The following PCDH7 variants were observed in gnomAD, a reference collection of about 807,000 sequenced individuals.
The protein encoded by PCDH7 is protocadherin 7, also known as protocadherin-7.
A neutral mutation model predicts 58.9 loss-of-function variants in PCDH7; 17 were observed. That is an observed-to-expected ratio of 0.29 (90% CI 0.20 to 0.43). The LOEUF is 0.43. Among genes scored for constraint, PCDH7 ranks in the 20% least tolerant of loss-of-function variants. The pLI is 1.00. For missense variants in PCDH7, 1,274 were observed against 1,441.0 expected (o/e 0.88, Z 1.88); for synonymous variants, 664 against 616.4 (o/e 1.08, Z -1.14).
At chr4:30,981,177 A>G (rs914103730) in intron 3 of PCDH7, among the ~76,000 whole-genome samples, 1 of 152,182 alleles carries the variant, frequency 6.6e-6, no homozygotes, top group Non-Finnish European at 1.5e-5. Flanking sequence ...GTTTAAAAGA[A>G]AAGTAGAGCT....
intron 3 of PCDH7, among the ~76,000 whole-genome samples, chr4:31,095,696 T>C (rs760536501): frequency 1.4e-4 from 22 of 152,160 alleles, no homozygotes; most frequent in Non-Finnish European, 2.4e-4. Flanking sequence ...GAGTATTTAA[T>C]TGAGATTATC....
At chr4:30,755,168 G>T (rs917673064) in intron 1 of PCDH7, among the ~76,000 whole-genome samples, 2 of 152,158 alleles carry the variant, frequency 1.3e-5, no homozygotes, top group African/African-American at 4.8e-5. Context: ...CTCATCATAT[G>T]CGTGCCATCC....
chr4:31,018,524 A>G (rs1414197428), intron 3 of PCDH7, among the ~76,000 whole-genome samples: 7 of 152,104 alleles, frequency 4.6e-5, no homozygotes, highest in Non-Finnish European at 1.0e-4. Context: ...TGGTTTGATC[A>G]TTTTCAATCC....
chr4:30,963,255 T>A (rs1333282381), intron 3 of PCDH7, among the ~76,000 whole-genome samples: 1 of 152,198 alleles, frequency 6.6e-6, no homozygotes, highest in Non-Finnish European at 1.5e-5. Context: ...AGCATATGTT[T>A]TGAGGCTTAA....
chr4:30,784,024 C>T (rs1226975896), intron 1 of PCDH7, among the ~76,000 whole-genome samples: 1 of 151,998 alleles, frequency 6.6e-6, no homozygotes, highest in Non-Finnish European at 1.5e-5. Flanking sequence ...AAGGCAAAGA[C>T]AAAGGCCATG....
At chr4:30,753,229 T>C (rs2109260612) in intron 1 of PCDH7, among the ~76,000 whole-genome samples, 1 of 152,298 alleles carries the variant, frequency 6.6e-6, no homozygotes, top group Admixed American at 6.5e-5. Flanking sequence ...GTCTTTTTAT[T>C]TCTGGTACAT....
At chr4:30,733,499 C>A (rs1261154721), downstream of PCDH7, among the ~76,000 whole-genome samples, 1 of 151,974 alleles carries the variant, frequency 6.6e-6, no homozygotes, top group Non-Finnish European at 1.5e-5. Context: ...CATTATGTTG[C>A]CCAGGTTGGA....
intron 1 of PCDH7, among the ~76,000 whole-genome samples, chr4:30,778,980 A>T (rs1175257327): frequency 1.5e-5 from 2 of 130,556 alleles, no homozygotes; most frequent in Non-Finnish European, 3.1e-5. Context: ...GTAAAGAATG[A>T]TTCCAAATGG....
intron 1 of PCDH7, among the ~76,000 whole-genome samples, chr4:30,872,886 A>G (rs1366080436): frequency 6.6e-6 from 1 of 152,124 alleles, no homozygotes; most frequent in Admixed American, 6.6e-5. Context: ...ATGAGGATTC[A>G]GTAAGTTAAT....
chr4:31,103,288 T>G (rs1715126759), intron 3 of PCDH7, among the ~76,000 whole-genome samples: 1 of 152,108 alleles, frequency 6.6e-6, no homozygotes, highest in African/African-American at 2.4e-5. Context: ...TATTTATTTA[T>G]TTACAAGGCA....
At chr4:30,914,910 C>G in intron 1 of PCDH7, among the ~76,000 whole-genome samples, 1 of 152,126 alleles carries the variant, frequency 6.6e-6, no homozygotes, top group Non-Finnish European at 1.5e-5. Context: ...TTTTCTTGTT[C>G]TGTTATTTTT....
At chr4:30,796,808 G>T (rs1433667496) in intron 1 of PCDH7, among the ~76,000 whole-genome samples, 2 of 151,892 alleles carry the variant, frequency 1.3e-5, no homozygotes, top group African/African-American at 4.8e-5. Flanking sequence ...TATAACTTTC[G>T]AAGGCTTTTA....
rs184562564 is a variant in PCDH7 at position 30,846,631 on chromosome 4, C to T, written c.71-73522C>T. Among the ~76,000 whole-genome samples the T allele has an allele frequency of 2.4e-4, 36 of 152,178 alleles. No individual in the cohort carries two copies. In the East Asian group the frequency reaches 6.2e-3, roughly 26 times the overall value. ...ATCCTTGGTGTCTACTTATTAGGTT[C>T]CAATAGTGCCACCCAAGTTGTGAGG... On this transcript the variant is annotated intron_variant, in intron 1 of 3. Transcript: ENST00000509759.
At chr4:30,773,448 C>G (rs936482057) in intron 1 of PCDH7, among the ~76,000 whole-genome samples, 4 of 152,042 alleles carry the variant, frequency 2.6e-5, no homozygotes, top group Non-Finnish European at 5.9e-5. Flanking sequence ...CATAATCATA[C>G]ATTGTGTTTT....
intron 1 of PCDH7, among the ~76,000 whole-genome samples, chr4:30,848,595 G>A (rs1057336563): frequency 1.3e-5 from 2 of 152,080 alleles, no homozygotes; most frequent in Non-Finnish European, 2.9e-5. Context: ...CTAGCTTTCA[G>A]TACAATTGAA....
At chr4:31,087,660 C>T (rs1712640070) in intron 3 of PCDH7, among the ~76,000 whole-genome samples, 2 of 152,140 alleles carry the variant, frequency 1.3e-5, no homozygotes, top group East Asian at 3.9e-4. Context: ...ACCTCCATTC[C>T]TTTAATTGCA....
chr4:30,825,632 A>G (rs779789060), intron 1 of PCDH7, among the ~76,000 whole-genome samples: 4 of 152,112 alleles, frequency 2.6e-5, no homozygotes, highest in Non-Finnish European at 4.4e-5. Flanking sequence ...TTTCCTTTCC[A>G]TAAAAGCTCA....
intron 2 of PCDH7, among the ~76,000 whole-genome samples, chr4:30,949,445 A>G (rs1451216525): frequency 2.6e-5 from 4 of 152,090 alleles, no homozygotes; most frequent in African/African-American, 7.2e-5. Context: ...TTGGTATACA[A>G]TTTAATTTAT....
At chr4:31,090,788 T>A (rs2109284103) in intron 3 of PCDH7, among the ~76,000 whole-genome samples, 1 of 152,142 alleles carries the variant, frequency 6.6e-6, no homozygotes, top group Non-Finnish European at 1.5e-5. Context: ...TTCTTGACTA[T>A]TTTTTTCTGT....
Sources: gnomAD v4.1 joint callset for allele counts (sites outside exome capture counted in the v4.1 genomes callset) on GRCh38, gnomAD v4.1.1 for gene constraint, MANE v1.5 for transcripts, NCBI Gene and HGNC (gene_info 2026-07-23, HGNC 2026-07-21) for gene names.